The following CNTN4 variants were observed in gnomAD, a reference collection of about 807,000 sequenced individuals.
CNTN4 encodes the protein contactin-4.
In CNTN4, 77 loss-of-function variants were observed where a neutral mutation model predicts 122.5. The observed-to-expected ratio is 0.63, with a 90% CI of 0.52 to 0.76. The LOEUF is 0.76. CNTN4 is among the 30% of genes least tolerant of loss of function. The probability of loss-of-function intolerance (pLI) is 0.00; values close to 1 mark genes in which losing one functional copy is unlikely to be tolerated. For synonymous variants in CNTN4, 512 were observed against 447.0 expected (o/e 1.15, Z -1.83); for missense variants, 1,256 against 1,259.1 (o/e 1.00, Z 0.04).
intron 2 of CNTN4, among the ~76,000 whole-genome samples, chr3:2,147,547 C>T (rs1196730007): frequency 1.3e-5 from 2 of 152,042 alleles, no homozygotes; most frequent in East Asian, 1.9e-4. Context: ...ACATATTTCC[C>T]CCTCTTTCCC....
intron 4 of CNTN4, among the ~76,000 whole-genome samples, chr3:2,609,906 G>T (rs538017643): frequency 1.3e-5 from 2 of 151,994 alleles, no homozygotes; most frequent in African/African-American, 2.4e-5. Context: ...GATTTCATTA[G>T]CATAAAACTT....
At position 2,626,576 on chromosome 3, in the gene CNTN4, A is replaced by G. The variant is rs2082199979; in HGVS notation, c.55+55018A>G. ...AAAAAGGACTAAATAAAATCCCCTT[A>G]TATCATTTAAGAGGGAAAATAATTA... On this transcript the variant is annotated intron_variant, in intron 4 of 24. Transcript: ENST00000418658. 1.3e-5 allele frequency among the ~76,000 whole-genome samples: 2 copies of G among 152,138 alleles called. 1 individual carries two copies. Among genetic ancestry groups the G allele is most frequent in the South Asian group, 4.1e-4 (2 of 4,828 alleles).
At chr3:2,577,416 A>G (rs773183152) in intron 4 of CNTN4, among the ~76,000 whole-genome samples, 2 of 152,218 alleles carry the variant, frequency 1.3e-5, no homozygotes, top group Non-Finnish European at 2.9e-5. Flanking sequence ...TATATCTATA[A>G]ATATTATCTG....
chr3:2,913,875 G>A (rs1386098548), intron 12 of CNTN4, among the ~76,000 whole-genome samples: 1 of 152,116 alleles, frequency 6.6e-6, no homozygotes, highest in Non-Finnish European at 1.5e-5. Flanking sequence ...ATGCACACAT[G>A]GAACAGTGTC....
chr3:2,602,125 C>T (rs1466091997), intron 4 of CNTN4, among the ~76,000 whole-genome samples: 1 of 152,160 alleles, frequency 6.6e-6, no homozygotes, highest in Non-Finnish European at 1.5e-5. Flanking sequence ...GACAAACCCA[C>T]AGCCAATATC....
chr3:2,161,411 C>T (rs1014515196), intron 2 of CNTN4, among the ~76,000 whole-genome samples: 9 of 151,970 alleles, frequency 5.9e-5, no homozygotes, highest in Non-Finnish European at 1.2e-4. Context: ...GCAGAGAGAA[C>T]TGCTTGGGGT....
intron 8 of CNTN4, 66 bp downstream of exon 8, chr3:2,867,015 ATGT>A: frequency 7.3e-7 from 1 of 1,369,584 alleles, no homozygotes; most frequent in Non-Finnish European, 1.0e-6. Flanking sequence ...GAGGTATGTT[ATGT>A]TGTTGGCACA....
At chr3:2,214,999 C>T (rs2038777097) in intron 2 of CNTN4, among the ~76,000 whole-genome samples, 1 of 152,070 alleles carries the variant, frequency 6.6e-6, no homozygotes, top group Admixed American at 6.5e-5. Flanking sequence ...GTATTCACAG[C>T]CTTTGAAAAA....
chr3:2,963,987 C>T (rs557269187), intron 13 of CNTN4, among the ~76,000 whole-genome samples: 11 of 152,260 alleles, frequency 7.2e-5, no homozygotes, highest in African/African-American at 2.6e-4. Context: ...ATGAAGGGAG[C>T]AACCGTATCA....
rs1407646794 is a variant in CNTN4 at position 2,120,397 on chromosome 3, ATATATATATT to A, written c.-145+19760_-145+19769del. On this transcript the variant is annotated intron_variant, in intron 2 of 24. Coordinates refer to ENST00000418658, the MANE Select transcript of CNTN4 (RefSeq NM_175607.3). Reference sequence around the variant, plus strand: ...TAAATATATATATATATATATATATATATATATATTTTTTTTTTTTTTTTTATGCAGAGTC... The same window carrying A: ...TAAATATATATATATATATATATATATTTTTTTTTTTTTTTATGCAGAGTC... 5.4e-3 allele frequency among the ~76,000 whole-genome samples: 166 copies of A among 30,608 alleles called. 3 individuals carry two copies. Among genetic ancestry groups the A allele is most frequent in the African/African-American group, 0.014 (155 of 10,820 alleles). 20.1% of individuals were successfully genotyped at this position (30,608 alleles called of 152,430 possible). A position where few individuals can be genotyped will look rare whatever the true frequency, so the allele number is the denominator to read the frequency against.
chr3:2,742,768 T>C (rs1341137493), intron 5 of CNTN4, among the ~76,000 whole-genome samples: 1 of 152,190 alleles, frequency 6.6e-6, no homozygotes, highest in East Asian at 1.9e-4. Flanking sequence ...ATTGCCTCTA[T>C]ATTACCAACA....
At chr3:2,109,268 C>T (rs954794434) in intron 2 of CNTN4, among the ~76,000 whole-genome samples, 5 of 151,876 alleles carry the variant, frequency 3.3e-5, no homozygotes, top group Admixed American at 1.3e-4. Flanking sequence ...ATAAAAGTGG[C>T]GCATTTGGGG....
intron 4 of CNTN4, among the ~76,000 whole-genome samples, chr3:2,616,151 C>G (rs998608944): frequency 6.6e-6 from 1 of 151,870 alleles, no homozygotes; most frequent in Non-Finnish European, 1.5e-5. Context: ...CCCTAACCCC[C>G]CATCCCCCCA....
chr3:2,763,191 C>T (rs146174056), intron 6 of CNTN4, among the ~76,000 whole-genome samples: 2 of 152,270 alleles, frequency 1.3e-5, no homozygotes, highest in Non-Finnish European at 2.9e-5. Flanking sequence ...GTGATCCGCC[C>T]ACCTCGGCCT....
At chr3:2,756,406 C>T (rs557489963) in intron 6 of CNTN4, among the ~76,000 whole-genome samples, 11 of 152,282 alleles carry the variant, frequency 7.2e-5, no homozygotes, top group African/African-American at 2.6e-4. Flanking sequence ...GTCAGTGAAA[C>T]AGGAAGAGAG....
chr3:2,476,529 T>C (rs2075839345), intron 3 of CNTN4, among the ~76,000 whole-genome samples: 1 of 152,054 alleles, frequency 6.6e-6, no homozygotes, highest in Admixed American at 6.6e-5. Context: ...ACGGCAAGAG[T>C]GAACTCAGAA....
chr3:2,180,026 G>A (rs1345172927), intron 2 of CNTN4, among the ~76,000 whole-genome samples: 5 of 151,200 alleles, frequency 3.3e-5, no homozygotes, highest in Admixed American at 6.6e-5. Context: ...CATTTCAAGG[G>A]CTCCATAGCC....
chr3:2,866,894 C>T lies in CNTN4; in HGVS notation c.597C>T (p.Thr199=), dbSNP rs145596001. 99 of 1,613,882 alleles carry T rather than the reference C, an allele frequency of 6.1e-5. 1 individual carries two copies. In the Middle Eastern group the frequency reaches 8.2e-4, roughly 13 times the overall value. The change falls in exon 8 of 25, where the codon ACC becomes ACT. Residue 199 remains threonine, a synonymous_variant. Coordinates refer to ENST00000418658, the MANE Select transcript of CNTN4 (RefSeq NM_175607.3). ...ATTATACCTGTGTGGTTACCAATAC[C>T]GTGACAAACCACAAGGTCCTGGGGC... ...VGNYTCVVTN[T]VTNHKVLGPP...
chr3:2,680,672 T>A (rs1215233799), intron 4 of CNTN4, among the ~76,000 whole-genome samples: 1 of 152,160 alleles, frequency 6.6e-6, no homozygotes, highest in Non-Finnish European at 1.5e-5. Flanking sequence ...AACTATAGGA[T>A]GAAAAACTAT....
Sources: allele counts gnomAD v4.1 joint callset (sites outside exome capture counted in the v4.1 genomes callset), GRCh38; gene constraint gnomAD v4.1.1; transcripts MANE v1.5; gene names NCBI Gene and HGNC (gene_info 2026-07-23, HGNC 2026-07-21).